CCDC102A: variants seen among roughly 807,000 people sequenced by gnomAD.
CCDC102A encodes the protein coiled-coil domain-containing protein 102A.
In CCDC102A, 40 loss-of-function variants were observed where a neutral mutation model predicts 55.5. That is an observed-to-expected ratio of 0.72 (90% CI 0.56 to 0.94). The LOEUF (loss-of-function observed/expected upper bound fraction) is 0.94. Among genes scored for constraint, CCDC102A ranks in the 40% least tolerant of loss-of-function variants. CCDC102A has a pLI of 0.00. For missense variants in CCDC102A, 779 were observed against 768.6 expected (o/e 1.01, Z -0.16); for synonymous variants, 323 against 339.0 (o/e 0.95, Z 0.52).
Position 57,526,008 on chromosome 16 carries a change from GCTGCGCTC to G in CCDC102A, c.697_704del (p.Glu233ProfsTer26). 1.9e-6 allele frequency: 3 copies of G among 1,606,748 alleles called. No individual in the cohort carries two copies. The highest frequency in any genetic ancestry group is 2.5e-6 in the Non-Finnish European group (3 of 1,177,310). On this transcript the variant is annotated frameshift_variant, in exon 3 of 9. Coordinates refer to ENST00000258214, the MANE Select transcript of CCDC102A (RefSeq NM_033212.4). LOFTEE classifies it high-confidence loss of function. ...CAGCTGTGTCCTCCCAGGGTAGCCG[GCTGCGCTC>G]CTGGCGGCCTGAGCTGCCCCGCGGG...
chr16:57,526,118 G>C lies in CCDC102A; in HGVS notation c.595C>G (p.Leu199Val), dbSNP rs1180936598. The C allele has an allele frequency of 1.6e-5, 25 of 1,547,964 alleles. No homozygotes were observed. The highest frequency in any genetic ancestry group is 2.2e-5 in the Non-Finnish European group (25 of 1,154,938). ...ATGCTCTTCAGCAGGCTCTCCACCAGCTCCAGTTCCTGCGGGGACCAAGGT... is the reference window on the plus strand; with the variant it reads ...ATGCTCTTCAGCAGGCTCTCCACCACCTCCAGTTCCTGCGGGGACCAAGGT... ...ERPPGSQELE[L>V]VESLLKSMPE... Residue 199 changes from leucine (L) to valine (V), a missense_variant, in exon 3 of 9, where the codon CTG (leucine) becomes GTG (valine). Physicochemically the swap from Leu to Val is conservative, Grantham distance 32 (BLOSUM62 1). Transcript: ENST00000258214.
chr16:57,525,342 C>T (rs775171460), intron 3 of CCDC102A, among the ~76,000 whole-genome samples: 1 of 152,204 alleles, frequency 6.6e-6, no homozygotes, highest in Non-Finnish European at 1.5e-5. Flanking sequence ...CTCAAGTGAT[C>T]TGCCCACCTC....
At chr16:57,534,516 C>T (rs538553357) in intron 1 of CCDC102A, among the ~76,000 whole-genome samples, 2 of 152,288 alleles carry the variant, frequency 1.3e-5, no homozygotes, top group South Asian at 2.1e-4. Flanking sequence ...TGTCCCCTCC[C>T]CTAGGAAGCC....
intron 3 of CCDC102A, among the ~76,000 whole-genome samples, chr16:57,523,034 G>A (rs2032078377): frequency 1.3e-5 from 2 of 152,130 alleles, no homozygotes; most frequent in South Asian, 4.1e-4. Flanking sequence ...GGGCGTGGTG[G>A]TGTGTGCCTG....
intron 6 of CCDC102A, 54 bp downstream of exon 6, chr16:57,518,014 G>T: frequency 6.6e-7 from 1 of 1,526,072 alleles, no homozygotes; most frequent in South Asian, 1.2e-5. Context: ...GCTGCGCTCT[G>T]GCTGGATGGG....
Position 57,518,718 on chromosome 16 carries a change from G to A in CCDC102A, c.945C>T (p.His315=), listed in dbSNP as rs1254250832. ...LKQLSILKEA[H]QDELGRMSED... ...CAGACATGCGGCCCAGCTCGTCCTGGTGCGCCTCCTTCAGGATGCTGAGCT... is the reference window on the plus strand; with the variant it reads ...CAGACATGCGGCCCAGCTCGTCCTGATGCGCCTCCTTCAGGATGCTGAGCT... The change falls in exon 5 of 9, where the codon CAC becomes CAT. Residue 315 remains histidine, a synonymous_variant. Transcript: ENST00000258214. 3.7e-6 allele frequency: 6 copies of A among 1,608,862 alleles called. No individual in the cohort carries two copies. In the African/African-American group the frequency reaches 5.3e-5, roughly 14 times the overall value.
intron 6 of CCDC102A, among the ~76,000 whole-genome samples, chr16:57,517,043 C>A (rs1010348549): frequency 6.6e-6 from 1 of 152,146 alleles, no homozygotes; most frequent in Non-Finnish European, 1.5e-5. Flanking sequence ...CAGGTCTCCT[C>A]CCTCTCTTGT....
intron 3 of CCDC102A, 113 bp downstream of exon 3, chr16:57,525,788 G>C (rs1446386826): frequency 1.2e-5 from 11 of 949,118 alleles, no homozygotes; most frequent in South Asian, 1.5e-5. Context: ...ACAGTTCCAA[G>C]ATACAGTCTA....
chr16:57,530,726 G>A (rs1444491544), intron 1 of CCDC102A, among the ~76,000 whole-genome samples: 2 of 152,046 alleles, frequency 1.3e-5, no homozygotes, highest in African/African-American at 2.4e-5. Context: ...AGCCAGTGAC[G>A]TCCTTTCCAG....
At chr16:57,522,765 T>C (rs2032074173) in intron 3 of CCDC102A, among the ~76,000 whole-genome samples, 2 of 152,260 alleles carry the variant, frequency 1.3e-5, no homozygotes, top group South Asian at 2.1e-4. Context: ...TTTGCTGTTA[T>C]AACTATCGTC....
chr16:57,520,536 AATAAC>A (rs56888001), intron 4 of CCDC102A, among the ~76,000 whole-genome samples: 26,034 of 124,546 alleles, frequency 0.21, 3,080 homozygotes, highest in Non-Finnish European at 0.26. Context: ...ACTCAGAAAA[AATAAC>A]ATAACATAAC....
At chr16:57,530,753 G>T (rs1381927378) in intron 1 of CCDC102A, among the ~76,000 whole-genome samples, 1 of 151,946 alleles carries the variant, frequency 6.6e-6, no homozygotes, top group African/African-American at 2.4e-5. Context: ...TACCCCTGCT[G>T]AAGTGTCTCC....
intron 8 of CCDC102A, 86 bp from the exon 9 acceptor site, chr16:57,512,956 A>C (rs2031892939): frequency 8.4e-7 from 1 of 1,189,672 alleles, no homozygotes; most frequent in African/African-American, 1.5e-5. Context: ...GGAGCAGTTA[A>C]GCCTTCCCTG....
chr16:57,512,554 C>T lies in CCDC102A; in HGVS notation c.*187G>A. The T allele has an allele frequency of 1.5e-6, 1 of 655,390 alleles. No individual in the cohort carries two copies. Among genetic ancestry groups the T allele is most frequent in the Non-Finnish European group, 2.6e-6 (1 of 385,206 alleles). 40.6% of individuals were successfully genotyped at this position (655,390 alleles called of 1,614,324 possible). On this transcript the variant is annotated 3_prime_UTR_variant, in exon 9 of 9. Coordinates refer to ENST00000258214, the MANE Select transcript of CCDC102A (RefSeq NM_033212.4). ...CGTGTGTGTATATATATATATAAAACATAGGCTTCCTTTCCACAGGGCGTT... is the reference window on the plus strand; with the variant it reads ...CGTGTGTGTATATATATATATAAAATATAGGCTTCCTTTCCACAGGGCGTT...
At chr16:57,513,591 C>G (rs1327071235) in intron 8 of CCDC102A, among the ~76,000 whole-genome samples, 5 of 152,246 alleles carry the variant, frequency 3.3e-5, no homozygotes, top group Admixed American at 1.3e-4. Flanking sequence ...CCACCCTCCC[C>G]GATGGAAGCA....
chr16:57,534,738 A>G (rs1319804658), intron 1 of CCDC102A, among the ~76,000 whole-genome samples: 6 of 152,274 alleles, frequency 3.9e-5, no homozygotes, highest in African/African-American at 1.4e-4. Context: ...AGGTTGAGTC[A>G]TCCTAAAGAT....
intron 6 of CCDC102A, among the ~76,000 whole-genome samples, chr16:57,517,471 C>A (rs937298503): frequency 3.3e-5 from 5 of 152,078 alleles, no homozygotes; most frequent in African/African-American, 1.2e-4. Flanking sequence ...CTCAGCCACC[C>A]GAGTAGCTGG....
intron 1 of CCDC102A, among the ~76,000 whole-genome samples, chr16:57,532,698 G>GACAC (rs10535195): frequency 2.8e-4 from 42 of 148,282 alleles, no homozygotes; most frequent in Middle Eastern, 3.5e-3. Flanking sequence ...AAGTGAAGCA[G>GACAC]ACACACACAC....
Position 57,529,062 on chromosome 16 carries a change from G to A in CCDC102A, c.116C>T (p.Pro39Leu), listed in dbSNP as rs1380390477. ...PERMGPADSL[P>L]PTPPSGTPSP... ...GGGCGTGCCGCTGGGCGGCGTGGGC[G>A]GCAAGGAGTCGGCAGGCCCCATGCG... Residue 39 changes from proline to leucine, a missense_variant, in exon 2 of 9, where the codon CCG (proline) becomes CTG (leucine). By Grantham distance (98) the Pro-to-Leu change is moderately conservative (BLOSUM62 -3). Transcript: ENST00000258214. The surrounding 1 kb of genome is among the most constrained non-coding windows in gnomAD (Gnocchi z 4.1). 1.8e-4 allele frequency: 206 copies of A among 1,147,914 alleles called. No individual in the cohort carries two copies. The African/African-American group carries it at 3.0e-3, about 16-fold the overall frequency. 71.1% of individuals were successfully genotyped at this position (1,147,914 alleles called of 1,614,324 possible). A position where few individuals can be genotyped will look rare whatever the true frequency, so the allele number is the denominator to read the frequency against.
Sources: allele counts gnomAD v4.1 joint callset (sites outside exome capture counted in the v4.1 genomes callset), GRCh38; gene constraint gnomAD v4.1.1; non-coding constraint Gnocchi (gnomAD v3.1); transcripts MANE v1.5; gene names NCBI Gene and HGNC (gene_info 2026-07-23, HGNC 2026-07-21).